The following AGMO variants were observed in gnomAD, a reference collection of about 807,000 sequenced individuals.
AGMO encodes the protein glyceryl-ether monooxygenase.
Under a neutral mutation model 60.2 loss-of-function variants are expected in AGMO, and 75 were observed. The observed-to-expected ratio is 1.25, with a 90% CI of 1.03 to 1.51. The LOEUF (loss-of-function observed/expected upper bound fraction) is 1.51, where lower values mean the gene tolerates loss of function less well. Among genes scored for constraint, AGMO ranks in the 40% most tolerant of loss-of-function variants. AGMO has a pLI of 0.00. For missense variants in AGMO, 763 were observed against 525.5 expected, an observed-to-expected ratio of 1.45 and a Z score of -4.42; for synonymous variants, 261 against 177.1, an observed-to-expected ratio of 1.47 and a Z score of -3.76.
the AGMO span, among the ~76,000 whole-genome samples, chr7:15,194,569 G>T: frequency 1.3e-5 from 2 of 152,034 alleles, no homozygotes; most frequent in African/African-American, 4.8e-5. Context: ...ATTCCTTCTG[G>T]TTTTTGTGCA....
chr7:15,352,468 G>A (rs1217820345), intron 12 of AGMO, among the ~76,000 whole-genome samples: 6 of 145,300 alleles, frequency 4.1e-5, no homozygotes, highest in Admixed American at 7.0e-5. Context: ...TTTTTCCTTA[G>A]ATCAGGGTGC....
At chr7:15,190,838 A>AT in the AGMO span, among the ~76,000 whole-genome samples, 2,276 of 147,768 alleles carry the variant, frequency 0.015, 50 homozygotes, top group African/African-American at 0.049. Flanking sequence ...CATTGCTCTC[A>AT]TTTTTTTTTT....
chr7:15,119,070 TC>T, the AGMO span, among the ~76,000 whole-genome samples: 1 of 151,764 alleles, frequency 6.6e-6, no homozygotes, highest in East Asian at 1.9e-4. Context: ...TAATAGTGAT[TC>T]CTCCCACCTG....
At chr7:15,355,650 G>A (rs1364129601) in intron 12 of AGMO, among the ~76,000 whole-genome samples, 1 of 152,012 alleles carries the variant, frequency 6.6e-6, no homozygotes, top group Non-Finnish European at 1.5e-5. Context: ...AGGAGGAATT[G>A]TAGCTGGATA....
intron 3 of AGMO, among the ~76,000 whole-genome samples, chr7:15,517,422 C>A (rs979718026): frequency 4.6e-5 from 7 of 151,002 alleles, no homozygotes; most frequent in African/African-American, 1.7e-4. Flanking sequence ...CCAGCGAGAC[C>A]AATGCAGAAG....
At chr7:15,303,071 A>G (rs1284528592) in intron 12 of AGMO, among the ~76,000 whole-genome samples, 1 of 152,184 alleles carries the variant, frequency 6.6e-6, no homozygotes. Flanking sequence ...GGAGAACAGA[A>G]TTAATTGTAT....
chr7:15,379,287 T>G (rs1040915492), intron 10 of AGMO, among the ~76,000 whole-genome samples: 4 of 152,012 alleles, frequency 2.6e-5, no homozygotes, highest in African/African-American at 9.7e-5. Flanking sequence ...CAAAGGAGAT[T>G]GAGACATGAA....
At chr7:15,144,620 T>G in the AGMO span, among the ~76,000 whole-genome samples, 2 of 152,186 alleles carry the variant, frequency 1.3e-5, no homozygotes, top group African/African-American at 4.8e-5. Context: ...CAAGGTACAT[T>G]ATATTTACCT....
chr7:15,182,007 A>G, the AGMO span, among the ~76,000 whole-genome samples: 3 of 152,244 alleles, frequency 2.0e-5, no homozygotes, highest in Non-Finnish European at 4.4e-5. Context: ...TTTGGTATAT[A>G]CATCAGGAAT....
intron 12 of AGMO, among the ~76,000 whole-genome samples, chr7:15,359,229 C>T (rs1050375891): frequency 7.5e-5 from 11 of 146,208 alleles, no homozygotes; most frequent in African/African-American, 2.8e-4. Context: ...GTGGAGCTTG[C>T]AGTGAGCCGA....
At chr7:15,360,499 G>T (rs1250336634) in intron 12 of AGMO, among the ~76,000 whole-genome samples, 1 of 152,140 alleles carries the variant, frequency 6.6e-6, no homozygotes, top group African/African-American at 2.4e-5. Context: ...CTAAAGAAAA[G>T]AAAATGTTAA....
At chr7:15,392,160 C>G (rs1337197873) in intron 6 of AGMO, among the ~76,000 whole-genome samples, 2 of 151,958 alleles carry the variant, frequency 1.3e-5, no homozygotes, top group South Asian at 2.1e-4. Context: ...AGCTCTGCCT[C>G]CCGGGTTCAC....
intron 12 of AGMO, among the ~76,000 whole-genome samples, chr7:15,354,373 T>C (rs374137883): frequency 0.15 from 7,119 of 48,610 alleles, 1,318 homozygotes; most frequent in African/African-American, 0.29. Context: ...TATATAGACG[T>C]GTGTATACAC....
chr7:15,493,781 A>G (rs13245509), intron 3 of AGMO, among the ~76,000 whole-genome samples: 1 of 152,152 alleles, frequency 6.6e-6, no homozygotes, highest in Admixed American at 6.6e-5. Flanking sequence ...ATTCAGTTAC[A>G]CAATCCCAGT....
chr7:15,355,881 A>T (rs1782511904), intron 12 of AGMO, among the ~76,000 whole-genome samples: 1 of 152,336 alleles, frequency 6.6e-6, no homozygotes, highest in African/African-American at 2.4e-5. Flanking sequence ...TATTATAATC[A>T]TACACAGAAT....
At chr7:15,460,017 T>A (rs1024237662) in intron 3 of AGMO, among the ~76,000 whole-genome samples, 31 of 152,188 alleles carry the variant, frequency 2.0e-4, no homozygotes, top group African/African-American at 6.7e-4. Flanking sequence ...GCACTTACTA[T>A]GTGTATAGCA....
chr7:15,537,796 A>C (rs1442003627), intron 3 of AGMO, among the ~76,000 whole-genome samples: 1 of 152,116 alleles, frequency 6.6e-6, no homozygotes, highest in Non-Finnish European at 1.5e-5. Flanking sequence ...AAGCAAAGTT[A>C]GTCTGTATCT....
intron 12 of AGMO, among the ~76,000 whole-genome samples, chr7:15,209,982 G>C (rs1781541950): frequency 6.6e-6 from 1 of 151,984 alleles, no homozygotes; most frequent in South Asian, 2.1e-4. Context: ...AAAGGTGTGA[G>C]CCTGTATCAA....
At chr7:15,334,204 G>T (rs1781581416) in intron 12 of AGMO, among the ~76,000 whole-genome samples, 1 of 151,742 alleles carries the variant, frequency 6.6e-6, no homozygotes, top group South Asian at 2.1e-4. Flanking sequence ...AATTTGAAAT[G>T]CTAAACATCA....
Sources: allele counts gnomAD v4.1 joint callset (sites outside exome capture counted in the v4.1 genomes callset), GRCh38; gene constraint gnomAD v4.1.1; transcripts MANE v1.5; gene names NCBI Gene and HGNC (gene_info 2026-07-23, HGNC 2026-07-21).